EZH2: variants seen among roughly 807,000 people sequenced by gnomAD.
The protein encoded by EZH2 is histone-lysine N-methyltransferase EZH2.
Under a neutral mutation model 98.4 loss-of-function variants are expected in EZH2, and 18 were observed. The observed-to-expected ratio is 0.18, with a 90% CI of 0.13 to 0.27. The LOEUF is 0.27. Ranked by LOEUF, EZH2 falls within the 10% of genes least tolerant of loss-of-function variation. The probability of loss-of-function intolerance (pLI) is 1.00; values close to 1 mark genes in which losing one functional copy is unlikely to be tolerated. For missense variants in EZH2, 470 were observed against 935.1 expected (o/e 0.50, Z 6.49); for synonymous variants, 338 against 312.3 (o/e 1.08, Z -0.87).
intron 8 of EZH2, among the ~76,000 whole-genome samples, chr7:148,821,864 C>A (rs749575812): frequency 2.6e-5 from 4 of 151,870 alleles, no homozygotes; most frequent in South Asian, 2.1e-4. Context: ...ATCTCTCTCT[C>A]TAAATAAATA....
chr7:148,808,957 A>C, intron 19 of EZH2, 114 bp downstream of exon 19: 1 of 754,736 alleles, frequency 1.3e-6, no homozygotes, highest in Non-Finnish European at 2.3e-6. Context: ...ACTAATGCTC[A>C]TGGCAAAGTG....
intron 1 of EZH2, among the ~76,000 whole-genome samples, chr7:148,857,153 G>A (rs188433823): frequency 6.7e-4 from 102 of 152,274 alleles, no homozygotes; most frequent in Admixed American, 5.5e-3. Context: ...CATCCGATAA[G>A]CCGAAATCAA....
intron 1 of EZH2, among the ~76,000 whole-genome samples, chr7:148,881,966 G>A (rs201863460): frequency 5.2e-4 from 25 of 47,920 alleles, no homozygotes; most frequent in African/African-American, 2.1e-3. Flanking sequence ...ACACACACAC[G>A]CGCGCGCACA....
chr7:148,846,630 G>C (rs2129485102), intron 2 of EZH2, 32 bp from the exon 3 acceptor site: 1 of 1,595,444 alleles, frequency 6.3e-7, no homozygotes, highest in Non-Finnish European at 8.6e-7. Flanking sequence ...GAGGAAAGGA[G>C]AAATTGTTCA....
chr7:148,852,875 T>C (rs1398349804), intron 1 of EZH2, among the ~76,000 whole-genome samples: 4 of 152,190 alleles, frequency 2.6e-5, no homozygotes, highest in Admixed American at 6.5e-5. Flanking sequence ...TGTTCCTCCA[T>C]ATCCACGGAG....
intron 3 of EZH2, among the ~76,000 whole-genome samples, chr7:148,842,809 T>C (rs985650609): frequency 6.6e-6 from 1 of 152,146 alleles, no homozygotes; most frequent in Non-Finnish European, 1.5e-5. Context: ...CTCACACCTG[T>C]AATCCCAGTA....
At chr7:148,866,810 G>A (rs1319153253) in intron 1 of EZH2, among the ~76,000 whole-genome samples, 1 of 149,440 alleles carries the variant, frequency 6.7e-6, no homozygotes, top group African/African-American at 2.4e-5. Context: ...CACCTCCTGG[G>A]TTCAAGTGAT....
At chr7:148,839,053 T>TGAGGAAGGAAGG (rs372317148) in intron 3 of EZH2, among the ~76,000 whole-genome samples, 1 of 107,744 alleles carries the variant, frequency 9.3e-6, no homozygotes, top group Non-Finnish European at 1.8e-5. Context: ...CTCTGTCAAA[T>TGAGGAAGGAAGG]AAGGAAGGAA....
chr7:148,824,850 C>T (rs1807236960), intron 8 of EZH2, among the ~76,000 whole-genome samples: 1 of 152,050 alleles, frequency 6.6e-6, no homozygotes, highest in Non-Finnish European at 1.5e-5. Flanking sequence ...CCCATGGCCA[C>T]CAAATGCTAC....
At chr7:148,882,299 A>G (rs1288548215) in intron 1 of EZH2, among the ~76,000 whole-genome samples, 2 of 152,234 alleles carry the variant, frequency 1.3e-5, no homozygotes, top group African/African-American at 4.8e-5. Context: ...CAGTGCAACC[A>G]GAAGAACGCC....
Position 148,812,582 on chromosome 7 carries a change from G to T in EZH2, c.1852-862C>A, listed in dbSNP as rs114073112. The stretch of plus-strand genomic sequence containing the variant: ...GCAAATGAAACCCAACTGGTAAAAG[G>T]TATCTACATAGTTTAACATTTTTAA... On this transcript the variant is annotated intron_variant, in intron 15 of 19. Transcript: ENST00000320356. 3.2e-3 allele frequency among the ~76,000 whole-genome samples: 481 copies of T among 152,230 alleles called. 2 individuals are homozygous for T. The highest frequency in any genetic ancestry group is 0.011 in the African/African-American group (440 of 41,506).
At chr7:148,808,168 C>T (rs1392860230) in intron 19 of EZH2, among the ~76,000 whole-genome samples, 1 of 152,206 alleles carries the variant, frequency 6.6e-6, no homozygotes, top group Non-Finnish European at 1.5e-5. Flanking sequence ...AGCGGACACC[C>T]AGAGAGGAGC....
rs564430633 is a variant in EZH2, at chr7:148,814,856, T to C, written c.1672+58A>G. On this transcript the variant is annotated intron_variant, in intron 14 of 19. Coordinates refer to ENST00000320356, the MANE Select transcript of EZH2 (RefSeq NM_004456.5). Reference sequence around the variant, plus strand: ...TGTTCTTATTTTTGATTTTTTAAATTGCTAACCAAAGACCTATTTAGTTCT... The same window carrying C: ...TGTTCTTATTTTTGATTTTTTAAATCGCTAACCAAAGACCTATTTAGTTCT... 5.8e-6 allele frequency: 9 copies of C among 1,556,810 alleles called. No homozygotes were observed. In the East Asian group the frequency reaches 2.0e-4, roughly 35 times the overall value.
At chr7:148,862,050 G>T (rs1427303128) in intron 1 of EZH2, among the ~76,000 whole-genome samples, 1 of 152,136 alleles carries the variant, frequency 6.6e-6, no homozygotes. Context: ...CACCAAAACA[G>T]TTCTATTAAA....
At chr7:148,833,896 G>A (rs994083918) in intron 3 of EZH2, among the ~76,000 whole-genome samples, 6 of 152,074 alleles carry the variant, frequency 3.9e-5, no homozygotes, top group Admixed American at 3.3e-4. Flanking sequence ...TGCTCTTCCC[G>A]CTCCTTATAT....
chr7:148,812,939 A>G (rs960389877), intron 15 of EZH2, among the ~76,000 whole-genome samples: 13 of 152,202 alleles, frequency 8.5e-5, no homozygotes, highest in African/African-American at 2.7e-4. Flanking sequence ...GAGAACTTCA[A>G]TGTTTTGCCT....
chr7:148,841,352 G>A (rs1812388114), intron 3 of EZH2, among the ~76,000 whole-genome samples: 1 of 151,956 alleles, frequency 6.6e-6, no homozygotes, highest in African/African-American at 2.4e-5. Context: ...TATACAGGTG[G>A]GAATGACTGA....
At chr7:148,853,129 A>G (rs1043797243) in intron 1 of EZH2, among the ~76,000 whole-genome samples, 2 of 152,006 alleles carry the variant, frequency 1.3e-5, no homozygotes, top group Non-Finnish European at 2.9e-5. Context: ...TTAGATTCTC[A>G]TAAGGATGGC....
intron 5 of EZH2, among the ~76,000 whole-genome samples, chr7:148,829,082 A>T (rs1326964086): frequency 3.3e-5 from 5 of 152,130 alleles, no homozygotes; most frequent in African/African-American, 1.2e-4. Flanking sequence ...AATACCTGCT[A>T]CTTTCTGTAG....
Sources: gnomAD v4.1 joint callset for allele counts (sites outside exome capture counted in the v4.1 genomes callset) on GRCh38, gnomAD v4.1.1 for gene constraint, MANE v1.5 for transcripts, NCBI Gene and HGNC (gene_info 2026-07-23, HGNC 2026-07-21) for gene names.